The following CDHR4 variants were observed in gnomAD, a reference collection of about 807,000 sequenced individuals.
CDHR4 encodes the protein cadherin related family member 4, also known as cadherin-related family member 4.
Under a neutral mutation model 88.4 loss-of-function variants are expected in CDHR4, and 89 were observed. The observed-to-expected ratio is 1.01, with a 90% CI of 0.85 to 1.20. The LOEUF is 1.20. Ranked by LOEUF, CDHR4 falls within the 50% of genes most tolerant of loss-of-function variation. The probability of loss-of-function intolerance (pLI) is 0.00; values close to 1 mark genes in which losing one functional copy is unlikely to be tolerated. For missense variants in CDHR4, 914 were observed against 1,007.2 expected, an observed-to-expected ratio of 0.91 and a Z score of 1.25; for synonymous variants, 368 against 399.2, an observed-to-expected ratio of 0.92 and a Z score of 0.93.
intron 4 of CDHR4, among the ~76,000 whole-genome samples, chr3:49,797,543 TCA>T (rs1207018591): frequency 6.6e-6 from 1 of 151,978 alleles, no homozygotes; most frequent in Non-Finnish European, 1.5e-5. Context: ...GTGCAATGGC[TCA>T]GTCTTGGCTC....
In CDHR4 at chr3:49,799,234, C is replaced by T; in HGVS notation, c.240+13G>A. ...TGTGCCCCCACAGTCCCCAGCTGTA[C>T]ACATGACCCTACCTTGCCCACATAG... On this transcript the variant is annotated intron_variant, in intron 2 of 18. Coordinates refer to ENST00000412678, the MANE Select transcript of CDHR4 (RefSeq NM_001007540.4). 1.2e-6 allele frequency: 2 copies of T among 1,612,998 alleles called. No individual in the cohort carries two copies. The highest frequency in any genetic ancestry group is 1.7e-6 in the Non-Finnish European group (2 of 1,179,326).
chr3:49,800,773 T>G (rs1382768966), upstream of CDHR4, among the ~76,000 whole-genome samples: 1 of 151,540 alleles, frequency 6.6e-6, no homozygotes, highest in Non-Finnish European at 1.5e-5. Flanking sequence ...TTTTAAGTTT[T>G]CTGGCCAGGC....
chr3:49,799,250 G>A lies in CDHR4; in HGVS notation c.237C>T (p.Gly79=). The stretch of plus-strand genomic sequence containing the variant: ...CCAGCTGTACACATGACCCTACCTT[G>A]CCCACATAGGTCCCTTGCCACCTGG... ...SLARWQGTYV[G]KLTLSSSAQL... Residue 79 remains glycine (G), a synonymous_variant, in exon 2 of 19, where the codon GGC becomes GGT. Transcript: ENST00000412678. The A allele has an allele frequency of 6.2e-7, 1 of 1,613,574 alleles. No homozygotes were observed. The highest frequency in any genetic ancestry group is 1.7e-5 in the Admixed American group (1 of 59,968).
intron 17 of CDHR4, 113 bp downstream of exon 17, chr3:49,791,601 A>G: frequency 1.4e-6 from 2 of 1,475,930 alleles, no homozygotes; most frequent in Non-Finnish European, 1.8e-6. Context: ...GGGCATTTCC[A>G]CAAGGATACC....
Position 49,790,859 on chromosome 3 carries a change from TG to T in CDHR4, c.2339del (p.Thr780AsnfsTer13), listed in dbSNP as rs746850219. The T allele has an allele frequency of 3.8e-5, 59 of 1,551,306 alleles. No individual in the cohort carries two copies. The Middle Eastern group carries it at 5.0e-4, about 13-fold the overall frequency. The stretch of plus-strand genomic sequence containing the variant: ...AGAGCCAGCGCCGGGCTCCTGTGTG[TG>T]TGTTAAACAGGTAGTCTCTTCCGGT... ...SRTGRDYLFN[T>X]HTGARRWL On this transcript the variant is annotated frameshift_variant, in exon 19 of 19. Transcript: ENST00000412678. LOFTEE classifies it high-confidence loss of function.
chr3:49,793,846 G>C lies in CDHR4; in HGVS notation c.1440C>G (p.Tyr480Ter). 6.4e-7 allele frequency: 1 copy of C among 1,551,784 alleles called. No individual in the cohort carries two copies. Among genetic ancestry groups the C allele is most frequent in the African/African-American group, 1.4e-5 (1 of 73,196 alleles). The change falls in exon 11 of 19, where the codon TAC becomes TAG. Residue 480 changes from tyrosine to a stop codon, truncating the protein, a stop_gained. Coordinates refer to ENST00000412678, the MANE Select transcript of CDHR4 (RefSeq NM_001007540.4). LOFTEE classifies it high-confidence loss of function. ...CAAAGGTGGTAGGACCACCAGAGGT[G>C]TAGTACTCAATGTTGTCATGAGGGT... The part of the protein sequence containing the change: ...MDYPHDNIEY[Y>*]TSGGPTTFAV...
At position 49,795,564 on chromosome 3, in the gene CDHR4, GGTCACCTCTGGACCA is replaced by G; in HGVS notation, c.847+49_847+63del. 1 of 1,540,540 alleles carries G rather than the reference GGTCACCTCTGGACCA, an allele frequency of 6.5e-7. No individual in the cohort carries two copies. Among genetic ancestry groups the G allele is most frequent in the Non-Finnish European group, 8.8e-7 (1 of 1,139,708 alleles). On this transcript the variant is annotated intron_variant, in intron 7 of 18. Coordinates refer to ENST00000412678, the MANE Select transcript of CDHR4 (RefSeq NM_001007540.4). This position sits in a 1 kb window ranked among gnomAD's most constrained non-coding sequence, Gnocchi z 5.4. ...AACAGGAAGGTGAAGAGGTACTATGGGTCACCTCTGGACCAGCCACAGAGGCATCCCAGTACCTGC... is the reference window on the plus strand; with the variant it reads ...AACAGGAAGGTGAAGAGGTACTATGGGCCACAGAGGCATCCCAGTACCTGC...
intron 5 of CDHR4, 33 bp downstream of exon 5, chr3:49,796,889 C>G: frequency 6.6e-7 from 1 of 1,521,038 alleles, no homozygotes; most frequent in Non-Finnish European, 8.9e-7. Context: ...CTACCCAATC[C>G]ATAAACACCC....
upstream of CDHR4, among the ~76,000 whole-genome samples, chr3:49,800,413 G>A (rs1200073274): frequency 3.3e-5 from 5 of 152,016 alleles, no homozygotes; most frequent in Non-Finnish European, 7.4e-5. Flanking sequence ...AGCTACTCTG[G>A]AGGCTGAGGT....
rs868083022 is a variant in CDHR4, at chr3:49,792,845, C to T, written c.1995+9G>A. ...CCCACCCTGCTGAGGGCCCAAGGAG[C>T]CTCCTCACTGTGGTTCTGTGGGTGC... On this transcript the variant is annotated intron_variant, in intron 14 of 18. Coordinates refer to ENST00000412678, the MANE Select transcript of CDHR4 (RefSeq NM_001007540.4). 4 of 1,525,460 alleles carry T rather than the reference C, an allele frequency of 2.6e-6. No individual in the cohort carries two copies. The highest frequency in any genetic ancestry group is 2.5e-5 in the East Asian group (1 of 40,520). The allele number at this position is 1,525,460 out of a possible 1,614,324, so 94.5% of individuals were successfully genotyped here.
chr3:49,800,050 A>AG (rs1329564090), upstream of CDHR4, among the ~76,000 whole-genome samples: 1 of 152,158 alleles, frequency 6.6e-6, no homozygotes, highest in Non-Finnish European at 1.5e-5. Flanking sequence ...AGGGCATGGA[A>AG]GGGGAGGAGG....
intron 4 of CDHR4, chr3:49,798,177 G>C (rs2081300547): frequency 6.6e-6 from 1 of 150,728 alleles, no homozygotes; most frequent in Non-Finnish European, 1.5e-5. Context: ...TGGGATTACA[G>C]GTGTGAGCCA....
At chr3:49,798,800 C>A (rs2081313337) in intron 4 of CDHR4, 26 bp downstream of exon 4, 2 of 1,607,536 alleles carry the variant, frequency 1.2e-6, no homozygotes, top group South Asian at 2.2e-5. Flanking sequence ...CATCCTGTCA[C>A]CCACCGTCCC....
intron 1 of CDHR4, 78 bp from the exon 2 acceptor site, chr3:49,799,515 G>T: frequency 7.0e-7 from 1 of 1,433,142 alleles, no homozygotes; most frequent in Non-Finnish European, 9.4e-7. Flanking sequence ...CTGTCCTTTT[G>T]CCACAGGGCC....
Position 49,793,235 on chromosome 3 carries a change from A to G in CDHR4, c.1700T>C (p.Val567Ala), listed in dbSNP as rs902523266. ...LTIYAPLGRSVEVTKMSCQIP... is the reference protein window; with the variant it reads ...LTIYAPLGRSAEVTKMSCQIP... ...CTGGCATGACATCTTGGTCACCTCC[A>G]CGCTACGGCCCAGAGGAGCATAGAT... Residue 567 changes from valine (V) to alanine (A), a missense_variant, in exon 13 of 19, where the codon GTG (valine) becomes GCG (alanine). Val to Ala is a moderately conservative substitution (Grantham distance 64). Coordinates refer to ENST00000412678, the MANE Select transcript of CDHR4 (RefSeq NM_001007540.4). The G allele has an allele frequency of 1.5e-5, 24 of 1,551,524 alleles. No individual in the cohort carries two copies. The highest frequency in any genetic ancestry group is 2.0e-5 in the Non-Finnish European group (23 of 1,146,990).
rs781223481 is a variant in CDHR4 at position 49,790,905 on chromosome 3, G to A, written c.2312-18C>T. The A allele has an allele frequency of 4.5e-6, 7 of 1,548,612 alleles. No homozygotes were observed. Among genetic ancestry groups the A allele is most frequent in the South Asian group, 1.2e-5 (1 of 83,700 alleles). ...TCCGGTACCTAAAACCGGTAGGAGA[G>A]AGAGGAGAGCAGGGGGTGCTGCTGG... On this transcript the variant is annotated intron_variant, in intron 18 of 18. Coordinates refer to ENST00000412678, the MANE Select transcript of CDHR4 (RefSeq NM_001007540.4).
At position 49,794,613 on chromosome 3, in the gene CDHR4, A is replaced by T; in HGVS notation, c.1274T>A (p.Met425Lys). Residue 425 changes from methionine to lysine, a missense_variant, in exon 10 of 19, where the codon ATG becomes AAG. By Grantham distance (95) the Met-to-Lys change is moderately conservative. Transcript: ENST00000412678. ...ILVLDGGQPQ[M>K]TTEVPVLVMV... ...GGCCGGGTGTGGTCACTCACTGGTC[A>T]TCTGGGGCTGGCCACCATCGAGCAC... The T allele has an allele frequency of 6.4e-7, 1 of 1,550,398 alleles. No homozygotes were observed. The highest frequency in any genetic ancestry group is 8.7e-7 in the Non-Finnish European group (1 of 1,146,578).
chr3:49,802,782 G>A (rs1420691169), upstream of CDHR4, among the ~76,000 whole-genome samples: 1 of 152,234 alleles, frequency 6.6e-6, no homozygotes, highest in East Asian at 1.9e-4. Flanking sequence ...CTGAGGCCCC[G>A]CCGGTGCGCT....
chr3:49,801,734 A>G (rs2081363631), upstream of CDHR4, among the ~76,000 whole-genome samples: 1 of 152,222 alleles, frequency 6.6e-6, no homozygotes, highest in Non-Finnish European at 1.5e-5. Context: ...ATGCATCAGC[A>G]AGACTTGATT....
Sources: gnomAD v4.1 joint callset for allele counts (sites outside exome capture counted in the v4.1 genomes callset) on GRCh38, gnomAD v4.1.1 for gene constraint, Gnocchi (gnomAD v3.1) non-coding constraint, MANE v1.5 for transcripts, NCBI Gene and HGNC (gene_info 2026-07-23, HGNC 2026-07-21) for gene names.